Variants in TNKS observed in about 807,000 individuals in gnomAD.
TNKS encodes the protein tankyrase.
A neutral mutation model predicts 135.8 loss-of-function variants in TNKS; 72 were observed. The observed-to-expected ratio is 0.53, with a 90% CI of 0.44 to 0.64. The LOEUF (loss-of-function observed/expected upper bound fraction) is 0.64, where lower values mean the gene tolerates loss of function less well. Ranked by LOEUF, TNKS falls within the 30% of genes least tolerant of loss-of-function variation. TNKS has a pLI of 0.00. For synonymous variants in TNKS, 849 were observed against 649.3 expected (o/e 1.31, Z -4.68); for missense variants, 1,769 against 1,674.0 (o/e 1.06, Z -0.99).
At chr8:9,748,346 T>C in intron 18 of TNKS, 134 bp downstream of exon 18, 1 of 675,894 alleles carries the variant, frequency 1.5e-6, no homozygotes, top group Non-Finnish European at 2.1e-6. Context: ...ATTTTTGAAG[T>C]TCACACTTTT....
intron 12 of TNKS, among the ~76,000 whole-genome samples, chr8:9,723,562 A>G (rs916823555): frequency 3.3e-5 from 5 of 152,246 alleles, no homozygotes; most frequent in African/African-American, 1.2e-4. Flanking sequence ...AAACAAGAGA[A>G]GCAGCTTTTT....
Position 9,708,451 on chromosome 8 carries a change from A to ATT in TNKS, c.1538_1539insTT (p.Ile514SerfsTer28), listed in dbSNP as rs1804159166. 6.2e-7 allele frequency: 1 copy of ATT among 1,609,560 alleles called. No individual in the cohort carries two copies. Among genetic ancestry groups the ATT allele is most frequent in the Non-Finnish European group, 8.5e-7 (1 of 1,177,834 alleles). ...AGTTAAAAAAACACTCGCTCTGGAA[A>ATT]TCATTAATTTCAAACAACCGCAGTC... On this transcript the variant is annotated frameshift_variant, in exon 9 of 27. Coordinates refer to ENST00000310430, the MANE Select transcript of TNKS (RefSeq NM_003747.3). LOFTEE classifies it high-confidence loss of function.
intron 25 of TNKS, among the ~76,000 whole-genome samples, chr8:9,767,923 C>T (rs943741701): frequency 1.8e-4 from 26 of 145,392 alleles, no homozygotes; most frequent in Non-Finnish European, 3.0e-4. Context: ...CGCGCCACTG[C>T]ACTCCAGCCT....
rs531468243 is a variant in TNKS at position 9,776,985 on chromosome 8, C to T, written c.*249C>T. 6.6e-6 allele frequency: 3 copies of T among 455,944 alleles called. No individual in the cohort carries two copies. Among genetic ancestry groups the T allele is most frequent in the Non-Finnish European group, 1.2e-5 (3 of 255,110 alleles). 28.2% of individuals were successfully genotyped at this position (455,944 alleles called of 1,614,324 possible). A position where few individuals can be genotyped will look rare whatever the true frequency, so the allele number is the denominator to read the frequency against. The stretch of plus-strand genomic sequence containing the variant: ...ACATATCTCAGGCTCATTTTCATTG[C>T]AATTATCCATTTCTAAAACAAGATT... On this transcript the variant is annotated 3_prime_UTR_variant, in exon 27 of 27. Transcript: ENST00000310430.
chr8:9,602,959 T>C (rs2128759761), intron 2 of TNKS, among the ~76,000 whole-genome samples: 1 of 152,370 alleles, frequency 6.6e-6, no homozygotes, highest in East Asian at 1.9e-4. Context: ...TTCATAAAAT[T>C]TGTAGTTGAG....
At chr8:9,707,997 G>A (rs1804131835) in intron 8 of TNKS, among the ~76,000 whole-genome samples, 1 of 152,136 alleles carries the variant, frequency 6.6e-6, no homozygotes, top group African/African-American at 2.4e-5. Flanking sequence ...ATACTTTCAT[G>A]TCAGTGTATG....
At chr8:9,717,517 C>T (rs1209786236) in intron 11 of TNKS, among the ~76,000 whole-genome samples, 1 of 152,042 alleles carries the variant, frequency 6.6e-6, no homozygotes, top group East Asian at 1.9e-4. Context: ...GGTTAGATAG[C>T]GAACATTTTA....
At chr8:9,708,897 T>A (rs1326310243) in intron 9 of TNKS, among the ~76,000 whole-genome samples, 1 of 152,170 alleles carries the variant, frequency 6.6e-6, no homozygotes, top group Non-Finnish European at 1.5e-5. Flanking sequence ...TGAGCAATTG[T>A]ATTCAAAGAA....
intron 8 of TNKS, among the ~76,000 whole-genome samples, chr8:9,707,693 A>T (rs1025714691): frequency 2.0e-5 from 3 of 152,212 alleles, no homozygotes; most frequent in African/African-American, 7.2e-5. Context: ...CATTCATGCA[A>T]TTAATTTAGA....
chr8:9,758,860 C>A (rs1806991736), intron 20 of TNKS, among the ~76,000 whole-genome samples: 1 of 152,184 alleles, frequency 6.6e-6, no homozygotes, highest in Admixed American at 6.5e-5. Context: ...AGTCTATGCA[C>A]AGCTTAGTTG....
chr8:9,720,330 A>G (rs766209262), intron 11 of TNKS, 44 bp from the exon 12 acceptor site: 2 of 1,503,174 alleles, frequency 1.3e-6, no homozygotes, highest in Admixed American at 2.3e-5. Flanking sequence ...AAAGGAAACT[A>G]AACAAGATGC....
chr8:9,770,974 G>C (rs1409329899), intron 26 of TNKS, among the ~76,000 whole-genome samples: 3 of 152,150 alleles, frequency 2.0e-5, no homozygotes. Flanking sequence ...TACAAATATG[G>C]AATGGAGAAG....
At position 9,730,905 on chromosome 8, in the gene TNKS, C is replaced by G. The variant is rs751188336; in HGVS notation, c.2017C>G (p.Gln673Glu). ...ACCACGAAAGCAACTTTGCAGCTCT[C>G]AAAATGTGAATTGTAGAGACTTAGA... ...LETVKQLCSS[Q>E]NVNCRDLEGR... Residue 673 changes from glutamine to glutamate, a missense_variant, in exon 14 of 27, where the codon CAA becomes GAA. By Grantham distance (29) the Gln-to-Glu change is conservative (BLOSUM62 2). Transcript: ENST00000310430. The G allele has an allele frequency of 6.8e-6, 11 of 1,613,094 alleles. No homozygotes were observed. Among genetic ancestry groups the G allele is most frequent in the South Asian group, 1.1e-5 (1 of 90,808 alleles).
intron 8 of TNKS, among the ~76,000 whole-genome samples, chr8:9,707,394 A>G (rs1804100506): frequency 6.6e-6 from 1 of 152,166 alleles, no homozygotes. Context: ...GGTATCTAGC[A>G]TTATTGAAAC....
intron 3 of TNKS, among the ~76,000 whole-genome samples, chr8:9,617,134 G>A (rs1021232320): frequency 6.6e-6 from 1 of 152,130 alleles, no homozygotes; most frequent in East Asian, 1.9e-4. Context: ...TTTTTTAAAA[G>A]GCAAAATTTA....
chr8:9,763,331 C>G, intron 22 of TNKS, 87 bp downstream of exon 22: 1 of 840,470 alleles, frequency 1.2e-6, no homozygotes, highest in Non-Finnish European at 1.8e-6. Context: ...TCTTACATTG[C>G]CTTGCGGTCA....
chr8:9,563,331 A>G (rs533111698), intron 1 of TNKS, among the ~76,000 whole-genome samples: 11 of 151,650 alleles, frequency 7.3e-5, no homozygotes, highest in South Asian at 4.2e-4. Flanking sequence ...TTCATCTTCT[A>G]TTTTTCTTAA....
chr8:9,727,811 A>T (rs1274456723), intron 13 of TNKS, among the ~76,000 whole-genome samples: 1 of 152,222 alleles, frequency 6.6e-6, no homozygotes, highest in East Asian at 1.9e-4. Context: ...CACTTCCAGG[A>T]TCACATCCAA....
intron 2 of TNKS, among the ~76,000 whole-genome samples, chr8:9,606,386 A>C (rs573080703): frequency 6.6e-6 from 1 of 152,132 alleles, no homozygotes; most frequent in African/African-American, 2.4e-5. Flanking sequence ...TAGCTAGTTT[A>C]ACTTGCAACT....
Sources: gnomAD v4.1 joint callset for allele counts (sites outside exome capture counted in the v4.1 genomes callset) on GRCh38, gnomAD v4.1.1 for gene constraint, MANE v1.5 for transcripts, NCBI Gene and HGNC (gene_info 2026-07-23, HGNC 2026-07-21) for gene names.